SVOPL: variants seen among roughly 807,000 people sequenced by gnomAD.
The protein encoded by SVOPL is SVOP like, also known as putative transporter SVOPL.
In SVOPL, 60 loss-of-function variants were observed where a neutral mutation model predicts 61.0. The ratio of observed to expected loss-of-function variants is 0.98; its 90% CI spans 0.80 to 1.22. The LOEUF (loss-of-function observed/expected upper bound fraction) is 1.22. SVOPL is among the 50% of genes most tolerant of loss of function. The pLI is 0.00. For missense variants in SVOPL, 662 were observed against 643.9 expected (o/e 1.03, Z -0.30); for synonymous variants, 279 against 250.0 (o/e 1.12, Z -1.09).
At chr7:138,693,519 AAAAGAAAGAAAAAGAAAG>A (rs1802989183) in intron 1 of SVOPL, among the ~76,000 whole-genome samples, 1 of 108,396 alleles carries the variant, frequency 9.2e-6, no homozygotes, top group African/African-American at 3.6e-5. Flanking sequence ...AAGAAAGAAG[AAAAGAAAGAAAAAGAAAG>A]AAAGAAAGAA....
At chr7:138,654,124 C>T (rs1246819084) in intron 7 of SVOPL, among the ~76,000 whole-genome samples, 1 of 134,450 alleles carries the variant, frequency 7.4e-6, no homozygotes, top group African/African-American at 3.1e-5. Flanking sequence ...TAAAGCAAGA[C>T]TCCCTCAAAA....
chr7:138,632,541 G>A (rs1800258689), intron 9 of SVOPL, among the ~76,000 whole-genome samples: 1 of 152,056 alleles, frequency 6.6e-6, no homozygotes, highest in South Asian at 2.1e-4. Context: ...AGGAGGAAGT[G>A]GGAACAGAAG....
chr7:138,697,479 G>A (rs1055473987), intron 1 of SVOPL, among the ~76,000 whole-genome samples: 5 of 151,684 alleles, frequency 3.3e-5, no homozygotes, highest in African/African-American at 7.3e-5. Flanking sequence ...GTGGTGGCAC[G>A]TGCCTGTGGT....
At chr7:138,680,360 G>GCAAACCCTGGC (rs1270298484) in intron 1 of SVOPL, among the ~76,000 whole-genome samples, 4 of 152,080 alleles carry the variant, frequency 2.6e-5, no homozygotes, top group Non-Finnish European at 2.9e-5. Flanking sequence ...TGTTGGCCAG[G>GCAAACCCTGGC]CAGGTCCCAA....
intron 1 of SVOPL, among the ~76,000 whole-genome samples, chr7:138,680,849 G>C (rs971431645): frequency 3.3e-5 from 5 of 152,138 alleles, no homozygotes; most frequent in Admixed American, 6.6e-5. Context: ...AAAGTACTGG[G>C]ATTACAGGTG....
At chr7:138,659,493 A>G (rs1374643127) in intron 6 of SVOPL, among the ~76,000 whole-genome samples, 2 of 36,880 alleles carry the variant, frequency 5.4e-5, no homozygotes, top group South Asian at 8.1e-4. Flanking sequence ...CTCTATCTCG[A>G]AAAAAAAAAA....
intron 14 of SVOPL, among the ~76,000 whole-genome samples, chr7:138,615,174 A>T (rs1799234380): frequency 6.6e-6 from 1 of 152,164 alleles, no homozygotes; most frequent in Non-Finnish European, 1.5e-5. Flanking sequence ...AATCCTCAAT[A>T]TGATGGTATC....
Position 138,651,393 on chromosome 7 carries a change from C to T in SVOPL, c.535-2256G>A, listed in dbSNP as rs567904673. On this transcript the variant is annotated intron_variant, in intron 7 of 15. Transcript: ENST00000674285. ...ACAAAATAATAGACAGTGTATCAAC[C>T]GAAGAACAATCAACCAGCCAAAAAT... 3.3e-5 allele frequency among the ~76,000 whole-genome samples: 5 copies of T among 152,244 alleles called. No individual in the cohort carries two copies. In the South Asian group the frequency reaches 8.3e-4, roughly 25 times the overall value.
intron 13 of SVOPL, among the ~76,000 whole-genome samples, chr7:138,622,868 G>T (rs566672951): frequency 5.9e-5 from 9 of 152,202 alleles, no homozygotes; most frequent in Admixed American, 1.3e-4. Flanking sequence ...TAATAAGTCA[G>T]CAAGTCTTCC....
intron 9 of SVOPL, among the ~76,000 whole-genome samples, chr7:138,631,342 C>G (rs1033718414): frequency 6.6e-6 from 1 of 152,136 alleles, no homozygotes; most frequent in Non-Finnish European, 1.5e-5. Flanking sequence ...TACGAACAAT[C>G]CAATTACACA....
At chr7:138,647,322 G>A (rs570550109) in intron 8 of SVOPL, among the ~76,000 whole-genome samples, 6 of 152,064 alleles carry the variant, frequency 3.9e-5, no homozygotes, top group African/African-American at 7.2e-5. Flanking sequence ...CAGAGGTTGC[G>A]AAGAGCTGAG....
intron 3 of SVOPL, among the ~76,000 whole-genome samples, chr7:138,672,974 AAGTT>A (rs1447986663): frequency 2.0e-5 from 3 of 151,832 alleles, no homozygotes; most frequent in East Asian, 1.9e-4. Context: ...TAGATGATGA[AAGTT>A]AGGTAAAGGA....
In SVOPL at chr7:138,628,151, C is replaced by T; in HGVS notation, c.1069+7G>A. ...CAGAGAGACCCAACACGCAGAGGGA[C>T]ACTTACAAGCAATTTCACCGATGGT... On this transcript the variant is annotated splice_region_variant and intron_variant, in intron 11 of 15. Coordinates refer to ENST00000674285, the MANE Select transcript of SVOPL (RefSeq NM_001139456.2). 6.2e-7 allele frequency: 1 copy of T among 1,614,134 alleles called. No individual in the cohort carries two copies. The highest frequency in any genetic ancestry group is 2.2e-5 in the East Asian group (1 of 44,876).
At chr7:138,653,902 C>T (rs1801560978) in intron 7 of SVOPL, among the ~76,000 whole-genome samples, 1 of 148,798 alleles carries the variant, frequency 6.7e-6, no homozygotes, top group African/African-American at 2.5e-5. Flanking sequence ...CACCACACTC[C>T]AGCCTGGACG....
chr7:138,646,728 G>C (rs189799360), intron 8 of SVOPL, among the ~76,000 whole-genome samples: 19 of 151,952 alleles, frequency 1.3e-4, no homozygotes, highest in Non-Finnish European at 2.8e-4. Context: ...CATGTTGCCC[G>C]GGCTGGTCTT....
At chr7:138,656,202 A>T (rs1801721720) in intron 7 of SVOPL, among the ~76,000 whole-genome samples, 1 of 152,210 alleles carries the variant, frequency 6.6e-6, no homozygotes, top group Non-Finnish European at 1.5e-5. Flanking sequence ...CAAGTATTTT[A>T]AAATTAAGGT....
chr7:138,625,853 G>GC (rs1404407643), intron 13 of SVOPL, 116 bp downstream of exon 13: 1 of 1,029,548 alleles, frequency 9.7e-7, no homozygotes, highest in East Asian at 2.6e-5. Flanking sequence ...TTAACAGATT[G>GC]TTTTTAGAAA....
chr7:138,652,838 C>CT (rs1446406513), intron 7 of SVOPL, among the ~76,000 whole-genome samples: 2 of 152,126 alleles, frequency 1.3e-5, no homozygotes, highest in African/African-American at 4.8e-5. Flanking sequence ...GTTAGCCAGG[C>CT]TGGTCGTGAA....
intron 14 of SVOPL, chr7:138,597,096 A>G (rs903746619): frequency 3.2e-6 from 4 of 1,253,986 alleles, no homozygotes; most frequent in Non-Finnish European, 4.1e-6. Flanking sequence ...GTCCATCTGT[A>G]CACATGCTTT....
Sources: gnomAD v4.1 joint callset for allele counts (sites outside exome capture counted in the v4.1 genomes callset) on GRCh38, gnomAD v4.1.1 for gene constraint, MANE v1.5 for transcripts, NCBI Gene and HGNC (gene_info 2026-07-23, HGNC 2026-07-21) for gene names.